Variants in GAB2 observed in about 807,000 individuals in gnomAD.
GAB2 encodes the protein GRB2 associated binding protein 2.
In GAB2, 26 loss-of-function variants were observed where a neutral mutation model predicts 65.5. The ratio of observed to expected loss-of-function variants is 0.40; its 90% CI spans 0.29 to 0.55. The LOEUF (loss-of-function observed/expected upper bound fraction) is 0.55, where lower values mean the gene tolerates loss of function less well. Among genes scored for constraint, GAB2 ranks in the 20% least tolerant of loss-of-function variants. GAB2 has a pLI of 0.53. For missense variants in GAB2, 884 were observed against 875.8 expected (o/e 1.01, Z -0.12); for synonymous variants, 321 against 329.6 (o/e 0.97, Z 0.28).
intron 1 of GAB2, among the ~76,000 whole-genome samples, chr11:78,333,022 A>G (rs1013687320): frequency 1.3e-5 from 2 of 152,188 alleles, no homozygotes; most frequent in African/African-American, 2.4e-5. Flanking sequence ...AATGGGAAAG[A>G]TGGTCCTTCA....
At chr11:78,278,598 C>T (rs3018313) in intron 2 of GAB2, among the ~76,000 whole-genome samples, 25,689 of 151,116 alleles carry the variant, frequency 0.17, 2,547 homozygotes, top group East Asian at 0.4. Context: ...AGGATGGTCT[C>T]GAACTCCAGG....
intron 1 of GAB2, among the ~76,000 whole-genome samples, chr11:78,407,658 T>TAAGA (rs375405621): frequency 0.25 from 28,901 of 116,906 alleles, 3,307 homozygotes; most frequent in South Asian, 0.27. Context: ...AGAAAGAAAG[T>TAAGA]AAGAAAGAAA....
intron 2 of GAB2, among the ~76,000 whole-genome samples, chr11:78,276,936 G>C (rs1038638215): frequency 2.0e-5 from 3 of 152,114 alleles, no homozygotes; most frequent in Non-Finnish European, 4.4e-5. Flanking sequence ...TCCTGCCTCA[G>C]CCTCCCGAGT....
chr11:78,359,255 C>T (rs910132263), intron 1 of GAB2, among the ~76,000 whole-genome samples: 3 of 151,996 alleles, frequency 2.0e-5, no homozygotes, highest in African/African-American at 7.2e-5. Context: ...GTAAGCTAAA[C>T]AAATGTCAAG....
intron 1 of GAB2, among the ~76,000 whole-genome samples, chr11:78,384,071 G>C (rs1856733975): frequency 6.6e-6 from 1 of 152,110 alleles, no homozygotes; most frequent in Non-Finnish European, 1.5e-5. Flanking sequence ...AGTGTTCTTG[G>C]GAAGATCTAT....
intron 1 of GAB2, among the ~76,000 whole-genome samples, chr11:78,311,757 T>G (rs1032384897): frequency 6.6e-6 from 1 of 152,104 alleles, no homozygotes; most frequent in African/African-American, 2.4e-5. Flanking sequence ...TTTACCAGAG[T>G]AGCAAGACAC....
At chr11:78,414,731 T>C (rs936936826) in intron 1 of GAB2, among the ~76,000 whole-genome samples, 8 of 152,302 alleles carry the variant, frequency 5.3e-5, no homozygotes, top group Admixed American at 2.6e-4. Context: ...AAATAGCAGA[T>C]AGGTCTCTTA....
chr11:78,382,389 T>A (rs1257486089), intron 1 of GAB2, among the ~76,000 whole-genome samples: 1 of 151,740 alleles, frequency 6.6e-6, no homozygotes, highest in African/African-American at 2.4e-5. Context: ...TATTATTTTT[T>A]TTTTTTTGAG....
chr11:78,295,126 C>A (rs1866792079), intron 1 of GAB2, among the ~76,000 whole-genome samples: 1 of 152,172 alleles, frequency 6.6e-6, no homozygotes, highest in Non-Finnish European at 1.5e-5. Context: ...CCAAAAGACA[C>A]ATGAAAAAAT....
At chr11:78,292,340 G>A (rs1866705581) in intron 1 of GAB2, among the ~76,000 whole-genome samples, 1 of 152,166 alleles carries the variant, frequency 6.6e-6, no homozygotes, top group African/African-American at 2.4e-5. Flanking sequence ...TAGCCACAAG[G>A]CACGTGAGAT....
intron 2 of GAB2, among the ~76,000 whole-genome samples, chr11:78,261,871 G>C (rs1865744482): frequency 6.6e-6 from 1 of 151,978 alleles, no homozygotes. Flanking sequence ...CCATCAAGTG[G>C]GTATATTAAG....
chr11:78,291,414 G>A (rs368215232), intron 1 of GAB2, among the ~76,000 whole-genome samples: 17 of 150,686 alleles, frequency 1.1e-4, no homozygotes, highest in South Asian at 4.2e-4. Context: ...TACGGTGAGC[G>A]GAGATCGCAC....
At chr11:78,233,005 C>G (rs1441946534) in intron 3 of GAB2, among the ~76,000 whole-genome samples, 1 of 149,370 alleles carries the variant, frequency 6.7e-6, no homozygotes, top group Non-Finnish European at 1.5e-5. Context: ...GGATTAAAGT[C>G]TATTCATATA....
chr11:78,408,776 GA>G (rs1857087835), intron 1 of GAB2, among the ~76,000 whole-genome samples: 1 of 151,818 alleles, frequency 6.6e-6, no homozygotes, highest in Non-Finnish European at 1.5e-5. Flanking sequence ...TGGTTATTTA[GA>G]AGTGTGTAGT....
intron 1 of GAB2, chr11:78,388,249 G>C (rs1341431449): frequency 1.3e-5 from 2 of 152,070 alleles, no homozygotes; most frequent in African/African-American, 2.4e-5. Flanking sequence ...GACTGGTCCT[G>C]AAGTCCAGAC....
intron 1 of GAB2, among the ~76,000 whole-genome samples, chr11:78,325,048 T>C (rs997446489): frequency 7.9e-5 from 12 of 152,232 alleles, no homozygotes; most frequent in African/African-American, 2.9e-4. Context: ...AACCAGGGCA[T>C]CTTATTTTTT....
intron 7 of GAB2, 138 bp downstream of exon 7, chr11:78,221,966 CA>C: frequency 1.4e-6 from 1 of 709,852 alleles, no homozygotes; most frequent in East Asian, 2.6e-5. Flanking sequence ...AACCAAGCCA[CA>C]AGACATCGAG....
chr11:78,231,339 GTGTGTGT>G, intron 3 of GAB2, among the ~76,000 whole-genome samples: 1 of 149,412 alleles, frequency 6.7e-6, no homozygotes, highest in African/African-American at 2.5e-5. Context: ...CGTGTGTGGT[GTGTGTGT>G]GTGTGTGTGT....
At chr11:78,267,875 A>AAAAAAAAAAAAAAAAAAAAAAAAC (rs1211969268) in intron 2 of GAB2, among the ~76,000 whole-genome samples, 1 of 151,144 alleles carries the variant, frequency 6.6e-6, no homozygotes, top group East Asian at 1.9e-4. Context: ...AAAAAAAAAA[A>AAAAAAAAAAAAAAAAAAAAAAAAC]AAAAAAGAGT....
Sources: allele counts gnomAD v4.1 joint callset (sites outside exome capture counted in the v4.1 genomes callset), GRCh38; gene constraint gnomAD v4.1.1; transcripts MANE v1.5; gene names NCBI Gene and HGNC (gene_info 2026-07-23, HGNC 2026-07-21).